Variants in MDGA2 observed in about 807,000 individuals in gnomAD.
MDGA2 encodes MAM domain containing glycosylphosphatidylinositol anchor 2, also known as MAM domain-containing glycosylphosphatidylinositol anchor protein 2.
In MDGA2, 40 loss-of-function variants were observed where a neutral mutation model predicts 117.8. The observed-to-expected ratio is 0.34, with a 90% confidence interval of 0.26 to 0.44. The LOEUF (loss-of-function observed/expected upper bound fraction) is 0.44, where lower values mean the gene tolerates loss of function less well. MDGA2 is among the 20% of genes least tolerant of loss of function. MDGA2 has a pLI of 1.00. For synonymous variants in MDGA2, 452 were observed against 439.0 expected (o/e 1.03, Z -0.37); for missense variants, 1,123 against 1,250.6 (o/e 0.90, Z 1.54).
intron 1 of MDGA2, among the ~76,000 whole-genome samples, chr14:47,364,365 C>T (rs568670610): frequency 6.6e-6 from 1 of 152,228 alleles, no homozygotes; most frequent in East Asian, 1.9e-4. Flanking sequence ...CCCGGGTTCA[C>T]GTCATTCTCC....
chr14:46,898,653 C>A (rs554408614), intron 10 of MDGA2, among the ~76,000 whole-genome samples: 31 of 152,136 alleles, frequency 2.0e-4, no homozygotes, highest in African/African-American at 7.5e-4. Context: ...TTATGGCAAT[C>A]ACATATTGTG....
intron 2 of MDGA2, among the ~76,000 whole-genome samples, chr14:47,241,247 C>T (rs200070114): frequency 6.6e-6 from 1 of 151,954 alleles, no homozygotes; most frequent in Admixed American, 6.6e-5. Flanking sequence ...GTAATCCTAA[C>T]GAAAGCTAAG....
At chr14:47,107,426 T>G (rs1880770355) in intron 5 of MDGA2, among the ~76,000 whole-genome samples, 1 of 152,142 alleles carries the variant, frequency 6.6e-6, no homozygotes, top group South Asian at 2.1e-4. Flanking sequence ...TATTCTGTTC[T>G]AGATCTCAAA....
intron 1 of MDGA2, among the ~76,000 whole-genome samples, chr14:47,332,678 T>C (rs1890327364): frequency 6.6e-6 from 1 of 152,070 alleles, no homozygotes; most frequent in African/African-American, 2.4e-5. Context: ...ATTTGTAAAA[T>C]GTAAGGGGTA....
chr14:47,486,081 T>C (rs2416087), intron 1 of MDGA2, among the ~76,000 whole-genome samples: 64,363 of 151,942 alleles, frequency 0.42, 14,350 homozygotes, highest in East Asian at 0.61. Flanking sequence ...ACAGCCTGCA[T>C]CATGCGCCTG....
intron 8 of MDGA2, among the ~76,000 whole-genome samples, chr14:47,016,924 A>T (rs982074749): frequency 6.7e-6 from 1 of 149,122 alleles, no homozygotes; most frequent in South Asian, 2.1e-4. Context: ...TATATCTCTT[A>T]TTCGTAGTCA....
At chr14:47,156,453 T>G (rs977264367) in intron 3 of MDGA2, among the ~76,000 whole-genome samples, 2 of 152,170 alleles carry the variant, frequency 1.3e-5, no homozygotes, top group African/African-American at 4.8e-5. Context: ...CTCGAGTTTC[T>G]CTAGTGACAT....
intron 1 of MDGA2, among the ~76,000 whole-genome samples, chr14:47,335,655 T>C (rs1428112207): frequency 1.3e-5 from 2 of 149,954 alleles, no homozygotes; most frequent in African/African-American, 2.5e-5. Context: ...CTTACATAAA[T>C]ACATATAGGT....
Position 47,574,278 on chromosome 14 carries a change from C to T in MDGA2, c.280+100239G>A, listed in dbSNP as rs370175468. Among the ~76,000 whole-genome samples, 49 of 152,226 alleles carry T rather than the reference C, an allele frequency of 3.2e-4. No individual in the cohort carries two copies. The East Asian group carries it at 5.6e-3, about 17-fold the overall frequency. ...GTAAAGGTACTTTACTACTCCTTTGCGGTCTTACTTCCTGGGCTGCTTGCC... is the reference window on the plus strand; with the variant it reads ...GTAAAGGTACTTTACTACTCCTTTGTGGTCTTACTTCCTGGGCTGCTTGCC... On this transcript the variant is annotated intron_variant, in intron 1 of 16. Transcript: ENST00000399232.
At chr14:47,300,671 T>A (rs1046617055) in intron 2 of MDGA2, among the ~76,000 whole-genome samples, 1 of 151,756 alleles carries the variant, frequency 6.6e-6, no homozygotes, top group Non-Finnish European at 1.5e-5. Context: ...TTAATTTTTT[T>A]TTTTTTTTGT....
At position 47,558,623 on chromosome 14, in the gene MDGA2, T is replaced by A. The variant is rs1427916502; in HGVS notation, c.280+115894A>T. Among the ~76,000 whole-genome samples, 4 of 152,194 alleles carry A rather than the reference T, an allele frequency of 2.6e-5. No homozygotes were observed. The East Asian group carries it at 7.7e-4, about 29-fold the overall frequency. On this transcript the variant is annotated intron_variant, in intron 1 of 16. Transcript: ENST00000399232. ...CTTTCAGGGAGAGCACACGTGCACA[T>A]CCTCTTTGTCCATCTTGACAAGTTT...
At chr14:46,857,646 T>C (rs1267433844) in intron 14 of MDGA2, among the ~76,000 whole-genome samples, 1 of 151,948 alleles carries the variant, frequency 6.6e-6, no homozygotes, top group African/African-American at 2.4e-5. Flanking sequence ...TTAAAATTTG[T>C]TTTATTTTAT....
chr14:47,484,126 T>C (rs1894009473), intron 1 of MDGA2, among the ~76,000 whole-genome samples: 1 of 152,220 alleles, frequency 6.6e-6, no homozygotes, highest in South Asian at 2.1e-4. Context: ...TTCTATTTCC[T>C]TCACAGATTT....
At chr14:46,849,668 T>A (rs1446203984) in intron 15 of MDGA2, among the ~76,000 whole-genome samples, 1 of 151,922 alleles carries the variant, frequency 6.6e-6, no homozygotes, top group Non-Finnish European at 1.5e-5. Flanking sequence ...TAAAATATGA[T>A]GTATTTAGCC....
At chr14:47,131,653 G>T in intron 5 of MDGA2, 61 bp downstream of exon 5, 1 of 1,336,510 alleles carries the variant, frequency 7.5e-7, no homozygotes, top group Non-Finnish European at 1.0e-6. Context: ...AAAAGTTAAA[G>T]AGAGTTTTTA....
At chr14:47,612,629 T>C (rs1176345650) in intron 1 of MDGA2, among the ~76,000 whole-genome samples, 1 of 152,178 alleles carries the variant, frequency 6.6e-6, no homozygotes, top group Non-Finnish European at 1.5e-5. Flanking sequence ...TATGAGAAAC[T>C]ATTTGGGTAT....
At chr14:47,273,804 A>G (rs894696596) in intron 2 of MDGA2, among the ~76,000 whole-genome samples, 1 of 152,162 alleles carries the variant, frequency 6.6e-6, no homozygotes, top group Non-Finnish European at 1.5e-5. Flanking sequence ...CTCCCTATGC[A>G]TGAAGACCTA....
intron 2 of MDGA2, among the ~76,000 whole-genome samples, chr14:47,221,740 G>C (rs1238235468): frequency 6.8e-6 from 1 of 146,810 alleles, no homozygotes; most frequent in Non-Finnish European, 1.5e-5. Flanking sequence ...ATAGAAACTT[G>C]GTAAAATGAT....
intron 1 of MDGA2, among the ~76,000 whole-genome samples, chr14:47,314,705 T>C (rs1020543227): frequency 6.6e-6 from 1 of 151,942 alleles, no homozygotes; most frequent in African/African-American, 2.4e-5. Flanking sequence ...GAGATAATCA[T>C]ACAAGAGGGA....
Sources: gnomAD v4.1 joint callset for allele counts (sites outside exome capture counted in the v4.1 genomes callset) on GRCh38, gnomAD v4.1.1 for gene constraint, MANE v1.5 for transcripts, NCBI Gene and HGNC (gene_info 2026-07-23, HGNC 2026-07-21) for gene names.